Variants in GRID2 observed in about 807,000 individuals in gnomAD.
GRID2 encodes glutamate ionotropic receptor delta type subunit 2, also known as glutamate receptor ionotropic, delta-2.
A neutral mutation model predicts 114.8 loss-of-function variants in GRID2; 33 were observed. That is an observed-to-expected ratio of 0.29 (90% CI 0.22 to 0.38). The LOEUF (loss-of-function observed/expected upper bound fraction) is 0.38, where lower values mean the gene tolerates loss of function less well. GRID2 is among the 10% of genes least tolerant of loss of function. GRID2 has a pLI of 1.00. For synonymous variants in GRID2, 505 were observed against 449.9 expected (o/e 1.12, Z -1.55); for missense variants, 1,184 against 1,257.7 (o/e 0.94, Z 0.89).
chr4:93,434,425 T>G (rs914703388), intron 10 of GRID2, among the ~76,000 whole-genome samples: 1 of 152,098 alleles, frequency 6.6e-6, no homozygotes, highest in African/African-American at 2.4e-5. Context: ...ATTGTGCACA[T>G]GTACCCTAGA....
intron 2 of GRID2, chr4:92,822,381 G>T: frequency 1.6e-6 from 1 of 608,936 alleles, no homozygotes. Flanking sequence ...TTCATCTTCA[G>T]CTTGCAGTTA....
chr4:93,489,576 A>T (rs935225073), intron 11 of GRID2, among the ~76,000 whole-genome samples: 9 of 151,862 alleles, frequency 5.9e-5, no homozygotes, highest in Non-Finnish European at 1.2e-4. Flanking sequence ...AATGTAAGTA[A>T]ATGGGGAAAC....
At chr4:93,324,376 C>G (rs1458594598) in intron 8 of GRID2, among the ~76,000 whole-genome samples, 2 of 152,102 alleles carry the variant, frequency 1.3e-5, no homozygotes, top group Non-Finnish European at 2.9e-5. Flanking sequence ...GTTGAACTAG[C>G]CTTGCATCGC....
intron 2 of GRID2, among the ~76,000 whole-genome samples, chr4:92,953,979 G>T (rs1752207852): frequency 6.6e-6 from 1 of 151,664 alleles, no homozygotes; most frequent in Non-Finnish European, 1.5e-5. Flanking sequence ...TAAATATTTT[G>T]TCCTCATAAT....
At chr4:93,001,779 T>C (rs915974654) in intron 2 of GRID2, among the ~76,000 whole-genome samples, 4 of 151,726 alleles carry the variant, frequency 2.6e-5, no homozygotes, top group African/African-American at 9.7e-5. Context: ...CTATTACTAG[T>C]CTCAATGCAT....
chr4:93,442,052 C>A (rs1721672278), intron 10 of GRID2, among the ~76,000 whole-genome samples: 1 of 151,988 alleles, frequency 6.6e-6, no homozygotes, highest in Non-Finnish European at 1.5e-5. Flanking sequence ...CTCATAGAGA[C>A]AAACTGTTTC....
At chr4:92,473,126 CAG>C (rs1722123739) in intron 1 of GRID2, among the ~76,000 whole-genome samples, 1 of 152,018 alleles carries the variant, frequency 6.6e-6, no homozygotes, top group Admixed American at 6.6e-5. Flanking sequence ...TACGTATAGT[CAG>C]TACCATTTGT....
intron 2 of GRID2, among the ~76,000 whole-genome samples, chr4:92,664,226 A>C: frequency 6.6e-6 from 1 of 151,222 alleles, no homozygotes; most frequent in East Asian, 1.9e-4. Flanking sequence ...ATGTATCTCA[A>C]AATTTTCTTC....
At chr4:93,269,639 A>T (rs1433669) in intron 8 of GRID2, among the ~76,000 whole-genome samples, 26,498 of 152,070 alleles carry the variant, frequency 0.17, 3,073 homozygotes, top group Non-Finnish European at 0.26. Flanking sequence ...TGTAAAATCC[A>T]TTGAGGGGAT....
chr4:92,602,551 C>A lies in GRID2; in HGVS notation c.244+12265C>A, dbSNP rs191813970. 2.6e-5 allele frequency among the ~76,000 whole-genome samples: 4 copies of A among 152,086 alleles called. No homozygotes were observed. In the East Asian group the frequency reaches 7.7e-4, roughly 29 times the overall value. The stretch of plus-strand genomic sequence containing the variant: ...ATAAACTAGATATCAATGGAACATA[C>A]CTCAAAATATTAACAGGTGTGTATG... On this transcript the variant is annotated intron_variant, in intron 2 of 15. Transcript: ENST00000282020.
intron 8 of GRID2, among the ~76,000 whole-genome samples, chr4:93,358,646 A>C (rs532179490): frequency 3.9e-5 from 6 of 152,172 alleles, no homozygotes; most frequent in African/African-American, 1.4e-4. Context: ...ACATTTAAAT[A>C]AAGGTCTTGA....
At chr4:93,795,221 G>A (rs1161417708) in intron 1 of GRID2, among the ~76,000 whole-genome samples, 1 of 151,868 alleles carries the variant, frequency 6.6e-6, no homozygotes, top group Non-Finnish European at 1.5e-5. Flanking sequence ...ATAGTAGTGT[G>A]ACTATAACAG....
At chr4:92,669,414 A>G (rs1276578700) in intron 2 of GRID2, among the ~76,000 whole-genome samples, 1 of 151,918 alleles carries the variant, frequency 6.6e-6, no homozygotes, top group Admixed American at 6.6e-5. Context: ...CAGCGATCCT[A>G]TGGAGAGCTG....
At chr4:92,993,393 C>T (rs1755021566) in intron 2 of GRID2, among the ~76,000 whole-genome samples, 1 of 151,610 alleles carries the variant, frequency 6.6e-6, no homozygotes, top group South Asian at 2.1e-4. Context: ...TGTGCTTGTC[C>T]CTACTTACCT....
rs185153077 is a variant in GRID2, at chr4:92,758,115, T to C, written c.244+167829T>C. The stretch of plus-strand genomic sequence containing the variant: ...GGAGAACAGATTAAACATTTAAACA[T>C]GGAGGTAGATTGGTAGATCTGGTAT... On this transcript the variant is annotated intron_variant, in intron 2 of 15. Coordinates refer to ENST00000282020, the MANE Select transcript of GRID2 (RefSeq NM_001510.4). 2.0e-5 allele frequency among the ~76,000 whole-genome samples: 3 copies of C among 152,212 alleles called. No individual in the cohort carries two copies. The East Asian group carries it at 5.8e-4, about 29-fold the overall frequency.
chr4:92,311,685 A>T (rs2110110451), intron 1 of GRID2, among the ~76,000 whole-genome samples: 1 of 152,182 alleles, frequency 6.6e-6, no homozygotes, highest in South Asian at 2.1e-4. Flanking sequence ...CTTCATTAAT[A>T]AAGTCATTAT....
intron 1 of GRID2, among the ~76,000 whole-genome samples, chr4:92,494,226 T>C (rs1451473283): frequency 6.6e-6 from 1 of 152,012 alleles, no homozygotes; most frequent in Non-Finnish European, 1.5e-5. Flanking sequence ...GGTTTTTTTG[T>C]TTATTCTTTG....
intron 2 of GRID2, among the ~76,000 whole-genome samples, chr4:92,982,914 C>T (rs780970255): frequency 2.0e-5 from 3 of 151,980 alleles, no homozygotes; most frequent in Non-Finnish European, 2.9e-5. Flanking sequence ...ATAAATTATA[C>T]TATATATCCT....
chr4:92,477,663 T>TA (rs1386466592), intron 1 of GRID2, among the ~76,000 whole-genome samples: 1 of 150,812 alleles, frequency 6.6e-6, no homozygotes, highest in Non-Finnish European at 1.5e-5. Context: ...ATATATATTT[T>TA]AAAGAGATAA....
Sources: allele counts gnomAD v4.1 joint callset (sites outside exome capture counted in the v4.1 genomes callset), GRCh38; gene constraint gnomAD v4.1.1; transcripts MANE v1.5; gene names NCBI Gene and HGNC (gene_info 2026-07-23, HGNC 2026-07-21).